RAD51B: variants seen among roughly 807,000 people sequenced by gnomAD.
RAD51B encodes DNA repair protein RAD51 homolog 2.
RAD51B carries 38 observed loss-of-function variants against 42.2 expected under a neutral mutation model. The observed-to-expected ratio is 0.90, with a 90% CI of 0.70 to 1.18. The LOEUF (loss-of-function observed/expected upper bound fraction) is 1.18, where lower values mean the gene tolerates loss of function less well. Among genes scored for constraint, RAD51B ranks in the 50% most tolerant of loss-of-function variants. The probability of loss-of-function intolerance (pLI) is 0.00; values close to 1 mark genes in which losing one functional copy is unlikely to be tolerated. For synonymous variants in RAD51B, 154 were observed against 145.2 expected (o/e 1.06, Z -0.43); for missense variants, 373 against 400.7 (o/e 0.93, Z 0.59).
intron 10 of RAD51B, among the ~76,000 whole-genome samples, chr14:68,555,664 C>T (rs1888806572): frequency 6.6e-6 from 1 of 152,186 alleles, no homozygotes; most frequent in South Asian, 2.1e-4. Context: ...CGGGGCACTG[C>T]TGAGTTACTT....
At chr14:68,509,949 A>G (rs1244631743) in intron 10 of RAD51B, among the ~76,000 whole-genome samples, 2 of 152,226 alleles carry the variant, frequency 1.3e-5, no homozygotes, top group Admixed American at 6.5e-5. Context: ...AAGATAGGTG[A>G]GTAGAGGCCT....
chr14:68,040,910 G>A (rs1190338255), intron 7 of RAD51B, among the ~76,000 whole-genome samples: 1 of 152,184 alleles, frequency 6.6e-6, no homozygotes, highest in Non-Finnish European at 1.5e-5. Context: ...CTTAACATTT[G>A]GGTATTCTGC....
intron 9 of RAD51B, among the ~76,000 whole-genome samples, chr14:68,458,899 G>C (rs973011907): frequency 6.6e-6 from 1 of 152,140 alleles, no homozygotes; most frequent in Non-Finnish European, 1.5e-5. Context: ...ATTATGAGAA[G>C]GCAGTTTAGA....
At chr14:68,592,857 C>G (rs1295788319) in intron 10 of RAD51B, among the ~76,000 whole-genome samples, 2 of 152,198 alleles carry the variant, frequency 1.3e-5, no homozygotes, top group Non-Finnish European at 2.9e-5. Context: ...GCTCTTGGCT[C>G]TGCGTGGGAT....
chr14:67,833,877 GA>G (rs2041140767), intron 3 of RAD51B, among the ~76,000 whole-genome samples: 1 of 152,118 alleles, frequency 6.6e-6, no homozygotes, highest in Non-Finnish European at 1.5e-5. Flanking sequence ...TTTTTCTTTG[GA>G]ATGACTGTAA....
intron 7 of RAD51B, among the ~76,000 whole-genome samples, chr14:68,231,684 A>T (rs892716686): frequency 1.3e-5 from 2 of 152,240 alleles, no homozygotes; most frequent in African/African-American, 4.8e-5. Flanking sequence ...GTATGTATAT[A>T]TGAGACATGT....
chr14:67,886,840 T>A, intron 6 of RAD51B, 181 bp from the exon 7 acceptor site: 1 of 414,930 alleles, frequency 2.4e-6, no homozygotes, highest in East Asian at 3.7e-5. Context: ...AGAAACAGTT[T>A]GCTCTGTTTC....
At chr14:68,612,845 G>A (rs1027919081), downstream of RAD51B, among the ~76,000 whole-genome samples, 23 of 151,180 alleles carry the variant, frequency 1.5e-4, no homozygotes, top group Non-Finnish European at 4.4e-5. Flanking sequence ...GAAGGAAGGA[G>A]GGAGAGGGGA....
At chr14:68,261,052 T>C (rs907279079) in intron 7 of RAD51B, among the ~76,000 whole-genome samples, 1 of 152,244 alleles carries the variant, frequency 6.6e-6, no homozygotes. Flanking sequence ...ATAGAATCAA[T>C]TTTTTCTTAA....
At position 68,361,997 on chromosome 14, in the gene RAD51B, C is replaced by T. The variant is rs1196064290; in HGVS notation, c.854-49427C>T. Among the ~76,000 whole-genome samples, 3 of 152,202 alleles carry T rather than the reference C, an allele frequency of 2.0e-5. No homozygotes were observed. The East Asian group carries it at 5.8e-4, about 29-fold the overall frequency. ...GGCCCCTTGAAGTCTTTATAGTCGCCCCAAAGAAATTAGGCTAAACTTAAG... is the reference window on the plus strand; with the variant it reads ...GGCCCCTTGAAGTCTTTATAGTCGCTCCAAAGAAATTAGGCTAAACTTAAG... On this transcript the variant is annotated intron_variant, in intron 8 of 10. Transcript: ENST00000471583.
At chr14:68,600,689 A>C (rs1891182276), downstream of RAD51B, among the ~76,000 whole-genome samples, 1 of 152,146 alleles carries the variant, frequency 6.6e-6, no homozygotes, top group South Asian at 2.1e-4. Flanking sequence ...GATACCCTTT[A>C]ATCATGCCTT....
chr14:68,416,108 C>T (rs1210113938), intron 9 of RAD51B, among the ~76,000 whole-genome samples: 2 of 152,148 alleles, frequency 1.3e-5, no homozygotes, highest in Non-Finnish European at 2.9e-5. Flanking sequence ...CAATATCACT[C>T]AAGCTGCTGA....
chr14:68,189,665 T>TATC (rs1158174781), intron 7 of RAD51B, among the ~76,000 whole-genome samples: 1 of 151,686 alleles, frequency 6.6e-6, no homozygotes, highest in Non-Finnish European at 1.5e-5. Context: ...CCCTTAAATT[T>TATC]ATTATTATTA....
At chr14:68,245,091 T>C (rs984375009) in intron 7 of RAD51B, among the ~76,000 whole-genome samples, 1 of 152,154 alleles carries the variant, frequency 6.6e-6, no homozygotes. Flanking sequence ...GTCCTCATTG[T>C]CTCCTCCATC....
chr14:67,978,986 C>G (rs548246162), intron 7 of RAD51B, among the ~76,000 whole-genome samples: 1 of 152,274 alleles, frequency 6.6e-6, no homozygotes, highest in South Asian at 2.1e-4. Context: ...TTCCCCCCAC[C>G]ACCAGAACTT....
At chr14:68,365,233 G>GT (rs1566835495) in intron 8 of RAD51B, among the ~76,000 whole-genome samples, 1 of 152,234 alleles carries the variant, frequency 6.6e-6, no homozygotes, top group African/African-American at 2.4e-5. Context: ...AAAAAGGCCT[G>GT]TAAGTAGAAT....
intron 4 of RAD51B, chr14:67,843,640 C>T (rs188764367): frequency 3.1e-4 from 47 of 152,114 alleles, no homozygotes; most frequent in African/African-American, 1.1e-3. Context: ...AGTTAGTGTA[C>T]ATAGAGGCGT....
At chr14:68,012,094 A>G (rs150475341) in intron 7 of RAD51B, among the ~76,000 whole-genome samples, 18 of 152,244 alleles carry the variant, frequency 1.2e-4, no homozygotes, top group African/African-American at 4.3e-4. Context: ...ATAAATGTCA[A>G]TTATGAAGAG....
At chr14:68,505,993 C>A (rs564471476) in intron 10 of RAD51B, among the ~76,000 whole-genome samples, 118 of 152,250 alleles carry the variant, frequency 7.8e-4, no homozygotes, top group Admixed American at 1.6e-3. Flanking sequence ...GGGCCAAAAT[C>A]CCTAGAGGGA....
Sources: allele counts gnomAD v4.1 joint callset (sites outside exome capture counted in the v4.1 genomes callset), GRCh38; gene constraint gnomAD v4.1.1; transcripts MANE v1.5; gene names NCBI Gene and HGNC (gene_info 2026-07-23, HGNC 2026-07-21).